Variants in MIS18A observed in about 807,000 individuals in gnomAD.
MIS18A encodes the protein MIS18 kinetochore protein A.
In MIS18A, 14 loss-of-function variants were observed where a neutral mutation model predicts 25.0. That is an observed-to-expected ratio of 0.56 (90% CI 0.37 to 0.88). The LOEUF (loss-of-function observed/expected upper bound fraction) is 0.88. Ranked by LOEUF, MIS18A falls within the 40% of genes least tolerant of loss-of-function variation. MIS18A has a pLI of 0.00. For synonymous variants in MIS18A, 134 were observed against 118.6 expected, an observed-to-expected ratio of 1.13 and a Z score of -0.84; for missense variants, 292 against 290.8, an observed-to-expected ratio of 1.00 and a Z score of -0.03.
At chr21:32,163,686 G>C in the MIS18A span, among the ~76,000 whole-genome samples, 3 of 152,182 alleles carry the variant, frequency 2.0e-5, no homozygotes, top group Non-Finnish European at 4.4e-5. Flanking sequence ...ACTGGGAGAA[G>C]CTACGTCTAT....
At chr21:32,154,886 G>T in the MIS18A span, among the ~76,000 whole-genome samples, 71,221 of 151,864 alleles carry the variant, frequency 0.47, 17,395 homozygotes, top group Middle Eastern at 0.62. Flanking sequence ...AAAATTATTA[G>T]TTTAAGTAAA....
At chr21:32,259,177 G>T in the MIS18A span, among the ~76,000 whole-genome samples, 1 of 152,142 alleles carries the variant, frequency 6.6e-6, no homozygotes, top group Admixed American at 6.5e-5. Flanking sequence ...CCCAGCCAGG[G>T]TCTGCATTTC....
At chr21:32,220,481 A>G in the MIS18A span, among the ~76,000 whole-genome samples, 1 of 152,222 alleles carries the variant, frequency 6.6e-6, no homozygotes, top group African/African-American at 2.4e-5. Context: ...AAGGTCACCA[A>G]CATCAAAGAT....
the MIS18A span, among the ~76,000 whole-genome samples, chr21:32,185,016 C>T: frequency 3.9e-5 from 6 of 152,088 alleles, no homozygotes; most frequent in Admixed American, 3.3e-4. Context: ...GATTCATCTC[C>T]CTCAAAGGCT....
At chr21:32,172,574 T>G in the MIS18A span, among the ~76,000 whole-genome samples, 3 of 143,428 alleles carry the variant, frequency 2.1e-5, no homozygotes, top group Admixed American at 2.2e-4. Flanking sequence ...GCGTTTTTTT[T>G]CCTTTTCTTT....
At chr21:32,247,544 A>G in the MIS18A span, among the ~76,000 whole-genome samples, 1 of 152,192 alleles carries the variant, frequency 6.6e-6, no homozygotes, top group Non-Finnish European at 1.5e-5. Context: ...TTCATATGTT[A>G]AAGTCCTAAC....
chr21:32,165,409 T>C, the MIS18A span, among the ~76,000 whole-genome samples: 2 of 148,222 alleles, frequency 1.3e-5, no homozygotes, highest in Non-Finnish European at 3.0e-5. Context: ...AATTAATTAA[T>C]TAATTAACTA....
chr21:32,156,658 C>T, the MIS18A span, among the ~76,000 whole-genome samples: 19 of 152,098 alleles, frequency 1.2e-4, no homozygotes, highest in African/African-American at 4.6e-4. Context: ...GTTCTGGTCC[C>T]AGGAAGCGTT....
chr21:32,169,192 G>T, the MIS18A span, among the ~76,000 whole-genome samples: 1 of 120,796 alleles, frequency 8.3e-6, no homozygotes, highest in Non-Finnish European at 1.6e-5. Flanking sequence ...AGCCTCACAA[G>T]CACGGCAGCT....
the MIS18A span, among the ~76,000 whole-genome samples, chr21:32,250,397 G>A: frequency 6.6e-6 from 1 of 152,246 alleles, no homozygotes; most frequent in South Asian, 2.1e-4. Flanking sequence ...ATCCCAGCAA[G>A]GTCACCCTCA....
At chr21:32,160,709 G>A in the MIS18A span, among the ~76,000 whole-genome samples, 3 of 151,258 alleles carry the variant, frequency 2.0e-5, no homozygotes, top group African/African-American at 7.3e-5. Context: ...TCAGCTCACC[G>A]CAACCTCCGC....
At chr21:32,260,552 C>A in the MIS18A span, 2,577 of 152,634 alleles carry the variant, frequency 0.017, 60 homozygotes, top group African/African-American at 0.057. Flanking sequence ...CCAAGAGAGA[C>A]TGCAGAGAGA....
chr21:32,252,463 AGAC>A, the MIS18A span, among the ~76,000 whole-genome samples: 1 of 152,166 alleles, frequency 6.6e-6, no homozygotes, highest in African/African-American at 2.4e-5. Flanking sequence ...AAAAAGAAGA[AGAC>A]ATGTATGTAT....
At chr21:32,177,898 CT>C in the MIS18A span, among the ~76,000 whole-genome samples, 2 of 92,412 alleles carry the variant, frequency 2.2e-5, no homozygotes, top group African/African-American at 6.0e-5. Flanking sequence ...AAAATCCTGG[CT>C]TTTTTTTTCT....
At chr21:32,224,077 T>TAA in the MIS18A span, among the ~76,000 whole-genome samples, 2 of 151,368 alleles carry the variant, frequency 1.3e-5, no homozygotes, top group Admixed American at 1.3e-4. Context: ...AAATTCAACT[T>TAA]CCCTTCATGC....
the MIS18A span, among the ~76,000 whole-genome samples, chr21:32,237,618 TG>T: frequency 6.6e-6 from 1 of 152,222 alleles, no homozygotes; most frequent in Non-Finnish European, 1.5e-5. Flanking sequence ...CATGGGTAAC[TG>T]GTATTTGAAA....
chr21:32,196,960 T>TAC, the MIS18A span, among the ~76,000 whole-genome samples: 1 of 152,098 alleles, frequency 6.6e-6, no homozygotes, highest in Non-Finnish European at 1.5e-5. Flanking sequence ...AGATGCAGTA[T>TAC]ACACACACAG....
the MIS18A span, among the ~76,000 whole-genome samples, chr21:32,228,560 C>T: frequency 6.6e-6 from 1 of 152,120 alleles, no homozygotes; most frequent in South Asian, 2.1e-4. Flanking sequence ...AAGTAAAACT[C>T]TCTAGTGGCA....
the MIS18A span, among the ~76,000 whole-genome samples, chr21:32,247,113 A>T: frequency 1.3e-5 from 2 of 152,176 alleles, no homozygotes; most frequent in Non-Finnish European, 2.9e-5. Context: ...TCCTTAACCA[A>T]GGCAAGATTT....
Sources: gnomAD v4.1 joint callset for allele counts (sites outside exome capture counted in the v4.1 genomes callset) on GRCh38, gnomAD v4.1.1 for gene constraint, MANE v1.5 for transcripts, NCBI Gene and HGNC (gene_info 2026-07-23, HGNC 2026-07-21) for gene names.